Variants in POFUT3 observed in about 807,000 individuals in gnomAD.
POFUT3 encodes GDP-fucose protein O-fucosyltransferase 3.
At chr8:33,351,614 T>A in the POFUT3 span, among the ~76,000 whole-genome samples, 1 of 152,140 alleles carries the variant, frequency 6.6e-6, no homozygotes, top group Admixed American at 6.5e-5. Context: ...AAGCCTTCAT[T>A]ATATGCAGAT....
chr8:33,332,379 T>C, the POFUT3 span, among the ~76,000 whole-genome samples: 21 of 151,412 alleles, frequency 1.4e-4, no homozygotes, highest in Non-Finnish European at 1.5e-5. Flanking sequence ...TAGTCCCAGC[T>C]ACTTGGGAGG....
chr8:33,349,857 G>A, the POFUT3 span, among the ~76,000 whole-genome samples: 7 of 152,080 alleles, frequency 4.6e-5, no homozygotes, highest in African/African-American at 1.2e-4. Context: ...AGGAATCTCC[G>A]TGCTGTTTTC....
At chr8:33,395,533 C>T in the POFUT3 span, among the ~76,000 whole-genome samples, 2 of 151,970 alleles carry the variant, frequency 1.3e-5, no homozygotes, top group Non-Finnish European at 2.9e-5. Context: ...GCTCCCCATC[C>T]CACTGAGAGC....
the POFUT3 span, among the ~76,000 whole-genome samples, chr8:33,365,209 T>G: frequency 7.2e-5 from 11 of 152,246 alleles, no homozygotes; most frequent in African/African-American, 2.4e-4. Flanking sequence ...TAGCTATATG[T>G]AGAAAGCTGA....
At chr8:33,418,411 CTTTTTT>C in the POFUT3 span, among the ~76,000 whole-genome samples, 4 of 126,576 alleles carry the variant, frequency 3.2e-5, no homozygotes, top group Admixed American at 8.2e-5. Flanking sequence ...AAAGGGAACT[CTTTTTT>C]TTTTTTTTTT....
At chr8:33,329,292 T>A in the POFUT3 span, among the ~76,000 whole-genome samples, 1 of 152,186 alleles carries the variant, frequency 6.6e-6, no homozygotes, top group Non-Finnish European at 1.5e-5. Context: ...TACTTATCTA[T>A]GGGAAAATGT....
the POFUT3 span, among the ~76,000 whole-genome samples, chr8:33,419,443 G>A: frequency 3.3e-5 from 5 of 152,168 alleles, no homozygotes; most frequent in African/African-American, 1.2e-4. Flanking sequence ...CTTTGCATGT[G>A]CATGACAATA....
At chr8:33,319,496 A>G in the POFUT3 span, among the ~76,000 whole-genome samples, 3 of 19,644 alleles carry the variant, frequency 1.5e-4, no homozygotes, top group Admixed American at 8.3e-4. Flanking sequence ...ATATATAAAT[A>G]TATATATTTT....
At chr8:33,423,662 C>G in the POFUT3 span, among the ~76,000 whole-genome samples, 4 of 152,012 alleles carry the variant, frequency 2.6e-5, no homozygotes. Context: ...AGATTATATG[C>G]TGTTAGCCTA....
chr8:33,366,802 C>G, the POFUT3 span, among the ~76,000 whole-genome samples: 1 of 152,120 alleles, frequency 6.6e-6, no homozygotes, highest in East Asian at 1.9e-4. Context: ...CATAGTTTGT[C>G]AGATTTTTTT....
chr8:33,309,165 A>ATGGGG, the POFUT3 span, among the ~76,000 whole-genome samples: 9 of 71,098 alleles, frequency 1.3e-4, no homozygotes, highest in African/African-American at 6.9e-4. Flanking sequence ...AAAAAAAAAA[A>ATGGGG]AAATATATAT....
chr8:33,416,466 C>T, the POFUT3 span, among the ~76,000 whole-genome samples: 1 of 151,994 alleles, frequency 6.6e-6, no homozygotes, highest in Non-Finnish European at 1.5e-5. Flanking sequence ...AATCCCAGCG[C>T]TCTGGGAGGC....
chr8:33,328,380 A>C, the POFUT3 span, among the ~76,000 whole-genome samples: 1 of 139,114 alleles, frequency 7.2e-6, no homozygotes, highest in South Asian at 2.9e-4. Flanking sequence ...AAAAACAAAA[A>C]CAAAAAACAA....
the POFUT3 span, among the ~76,000 whole-genome samples, chr8:33,358,984 C>A: frequency 7.2e-5 from 11 of 152,162 alleles, no homozygotes; most frequent in Non-Finnish European, 1.5e-4. Flanking sequence ...GACTTCCCAG[C>A]CTCTAGAACT....
the POFUT3 span, among the ~76,000 whole-genome samples, chr8:33,379,662 C>A: frequency 6.6e-6 from 1 of 150,994 alleles, no homozygotes; most frequent in African/African-American, 2.4e-5. Context: ...ATGGCGAAAC[C>A]CTGTCTCTAC....
the POFUT3 span, among the ~76,000 whole-genome samples, chr8:33,415,891 A>C: frequency 8.2e-3 from 1,244 of 152,356 alleles, 19 homozygotes; most frequent in African/African-American, 0.028. Flanking sequence ...CCACATGTCT[A>C]TAAGCTTCTC....
the POFUT3 span, among the ~76,000 whole-genome samples, chr8:33,412,106 T>A: frequency 6.6e-6 from 1 of 152,200 alleles, no homozygotes; most frequent in Non-Finnish European, 1.5e-5. Flanking sequence ...CAAGGCTGTG[T>A]ATTTACGGAA....
the POFUT3 span, among the ~76,000 whole-genome samples, chr8:33,414,031 C>A: frequency 1.3e-5 from 2 of 152,084 alleles, no homozygotes; most frequent in African/African-American, 2.4e-5. Context: ...CTCTGTCCCC[C>A]CTTCACCTCC....
chr8:33,361,772 C>T, the POFUT3 span, among the ~76,000 whole-genome samples: 1 of 152,022 alleles, frequency 6.6e-6, no homozygotes, highest in African/African-American at 2.4e-5. Flanking sequence ...TCATAATTTC[C>T]TTGATAGGTT....
Sources: allele counts gnomAD v4.1 joint callset (sites outside exome capture counted in the v4.1 genomes callset), GRCh38; gene constraint gnomAD v4.1.1; transcripts MANE v1.5; gene names NCBI Gene and HGNC (gene_info 2026-07-23, HGNC 2026-07-21).